The following OXR1 variants were observed in gnomAD, a reference collection of about 807,000 sequenced individuals.
OXR1 encodes oxidation resistance 1, also known as oxidation resistance protein 1.
In OXR1, 41 loss-of-function variants were observed where a neutral mutation model predicts 104.6. The ratio of observed to expected loss-of-function variants is 0.39; its 90% CI spans 0.31 to 0.51. OXR1 has a LOEUF of 0.51. Ranked by LOEUF, OXR1 falls within the 20% of genes least tolerant of loss-of-function variation. The pLI, the probability that OXR1 is intolerant of heterozygous loss-of-function variation, is 0.77. For synonymous variants in OXR1, 348 were observed against 348.4 expected, an observed-to-expected ratio of 1.00 and a Z score of 0.01; for missense variants, 955 against 1,031.9, an observed-to-expected ratio of 0.93 and a Z score of 1.02.
At chr8:106,741,500 G>A (rs981072527) in intron 14 of OXR1, among the ~76,000 whole-genome samples, 4 of 152,090 alleles carry the variant, frequency 2.6e-5, no homozygotes, top group African/African-American at 9.7e-5. Context: ...TATGTTTTGT[G>A]TACTTTTCTA....
At chr8:106,362,685 G>A (rs1816296042) in intron 2 of OXR1, among the ~76,000 whole-genome samples, 1 of 152,168 alleles carries the variant, frequency 6.6e-6, no homozygotes, top group Admixed American at 6.5e-5. Context: ...CAATGAGTAA[G>A]TTGATGCTCG....
intron 3 of OXR1, among the ~76,000 whole-genome samples, chr8:106,660,917 G>A (rs563785480): frequency 6.6e-6 from 1 of 152,266 alleles, no homozygotes; most frequent in Admixed American, 6.5e-5. Context: ...GGAGGCTGAG[G>A]CAGGAGAATC....
intron 2 of OXR1, among the ~76,000 whole-genome samples, chr8:106,405,860 G>A (rs1818218158): frequency 6.6e-6 from 1 of 152,082 alleles, no homozygotes; most frequent in African/African-American, 2.4e-5. Flanking sequence ...TAAGTAAGTG[G>A]TTATTGCTTT....
chr8:106,664,275 C>T (rs1172880319), intron 3 of OXR1, among the ~76,000 whole-genome samples: 1 of 152,206 alleles, frequency 6.6e-6, no homozygotes, highest in Non-Finnish European at 1.5e-5. Context: ...CAAACTTCAG[C>T]ATGCAACAGA....
At chr8:106,400,327 C>G (rs1476171281) in intron 2 of OXR1, among the ~76,000 whole-genome samples, 1 of 152,042 alleles carries the variant, frequency 6.6e-6, no homozygotes, top group Non-Finnish European at 1.5e-5. Flanking sequence ...AGTAGATGCT[C>G]AAAAGTATTT....
intron 3 of OXR1, among the ~76,000 whole-genome samples, chr8:106,536,640 G>C (rs1814562804): frequency 6.6e-6 from 1 of 151,706 alleles, no homozygotes; most frequent in African/African-American, 2.4e-5. Flanking sequence ...TTTAATTTTT[G>C]TGGGTACATT....
At position 106,644,128 on chromosome 8, in the gene OXR1, G is replaced by A. The variant is rs928391017; in HGVS notation, c.221-35082G>A. Reference sequence around the variant, plus strand: ...TTTTAAACTGGGAGGATAAATGATCGACAGATTCTTTTTAGCTTCAGCAAC... The same window carrying A: ...TTTTAAACTGGGAGGATAAATGATCAACAGATTCTTTTTAGCTTCAGCAAC... On this transcript the variant is annotated intron_variant, in intron 3 of 16. Transcript: ENST00000517566. Among the ~76,000 whole-genome samples, 9 of 152,238 alleles carry A rather than the reference G, an allele frequency of 5.9e-5. No individual in the cohort carries two copies. The South Asian group carries it at 6.2e-4, about 11-fold the overall frequency.
intron 3 of OXR1, among the ~76,000 whole-genome samples, chr8:106,654,213 T>C (rs1215713584): frequency 6.6e-6 from 1 of 152,024 alleles, no homozygotes; most frequent in Non-Finnish European, 1.5e-5. Context: ...CTAAAATTCA[T>C]ATGGAATGAA....
chr8:106,593,574 C>G lies in OXR1; in HGVS notation c.220+74435C>G, dbSNP rs201680844. Among the ~76,000 whole-genome samples the G allele has an allele frequency of 1.1e-3, 165 of 152,186 alleles. 1 individual carries two copies. Among genetic ancestry groups the G allele is most frequent in the Non-Finnish European group, 1.5e-3 (105 of 68,022 alleles). On this transcript the variant is annotated intron_variant, in intron 3 of 16. Coordinates refer to ENST00000517566, the MANE Select transcript of OXR1 (RefSeq NM_001198533.2). ...CGGGCGGATCATGAGGTCAGGAGAT[C>G]GAGACCATCCTGGCTAACACGGTGA...
intron 1 of OXR1, among the ~76,000 whole-genome samples, chr8:106,327,183 A>G (rs1231550119): frequency 6.6e-6 from 1 of 152,098 alleles, no homozygotes; most frequent in Non-Finnish European, 1.5e-5. Flanking sequence ...TGTTTTCTAT[A>G]TTTTTATTTG....
intron 1 of OXR1, among the ~76,000 whole-genome samples, chr8:106,291,468 G>T (rs991862943): frequency 6.6e-6 from 1 of 152,120 alleles, no homozygotes; most frequent in African/African-American, 2.4e-5. Context: ...GCATTAAATT[G>T]CATCATTCTT....
Position 106,732,735 on chromosome 8 carries a change from G to A in OXR1, c.1957-4785G>A, listed in dbSNP as rs143279585. ...GCGTAGGTGGGATAAGTTCTACTTC[G>A]TCGTTGTATATAATTCTGTACATTT... On this transcript the variant is annotated intron_variant, in intron 11 of 16. Transcript: ENST00000517566. 2.0e-3 allele frequency among the ~76,000 whole-genome samples: 301 copies of A among 152,152 alleles called. 3 individuals carry two copies. Among genetic ancestry groups the A allele is most frequent in the African/African-American group, 6.8e-3 (282 of 41,522 alleles).
chr8:106,618,074 C>G (rs991954400), intron 3 of OXR1: 66 of 1,535,134 alleles, frequency 4.3e-5, no homozygotes, highest in Non-Finnish European at 5.4e-5. Context: ...GTTATATTAC[C>G]CTGAGAAGCA....
chr8:106,453,780 C>T (rs73309242), intron 2 of OXR1, among the ~76,000 whole-genome samples: 4,684 of 152,280 alleles, frequency 0.031, 246 homozygotes, highest in African/African-American at 0.11. Flanking sequence ...TCATGTTTTC[C>T]TCACTGTTAT....
At chr8:106,746,141 T>C (rs533762060) in intron 16 of OXR1, among the ~76,000 whole-genome samples, 4 of 152,200 alleles carry the variant, frequency 2.6e-5, no homozygotes, top group Non-Finnish European at 4.4e-5. Context: ...TCTTTGATAA[T>C]ATAAAGGGAA....
intron 1 of OXR1, among the ~76,000 whole-genome samples, chr8:106,342,748 C>G (rs941164546): frequency 2.3e-4 from 35 of 152,206 alleles, no homozygotes; most frequent in African/African-American, 6.0e-4. Flanking sequence ...ATTGAAATTG[C>G]CCTCACTATA....
At chr8:106,514,139 G>C (rs1444948974) in intron 2 of OXR1, among the ~76,000 whole-genome samples, 1 of 152,068 alleles carries the variant, frequency 6.6e-6, no homozygotes, top group East Asian at 1.9e-4. Context: ...TGCCTATTAA[G>C]AGCTTATTTT....
At chr8:106,541,373 C>T (rs1008485715) in intron 3 of OXR1, among the ~76,000 whole-genome samples, 2 of 152,164 alleles carry the variant, frequency 1.3e-5, no homozygotes, top group Admixed American at 6.5e-5. Flanking sequence ...TGACACAAAT[C>T]ATTTATTTTC....
intron 9 of OXR1, among the ~76,000 whole-genome samples, chr8:106,709,466 C>G (rs1831482522): frequency 6.6e-6 from 1 of 151,974 alleles, no homozygotes; most frequent in African/African-American, 2.4e-5. Context: ...TGATAGTTAT[C>G]TTATATTTTG....
Sources: gnomAD v4.1 joint callset for allele counts (sites outside exome capture counted in the v4.1 genomes callset) on GRCh38, gnomAD v4.1.1 for gene constraint, MANE v1.5 for transcripts, NCBI Gene and HGNC (gene_info 2026-07-23, HGNC 2026-07-21) for gene names.